ACTR5: variants seen among roughly 807,000 people sequenced by gnomAD.
ACTR5 encodes actin-related protein 5.
A neutral mutation model predicts 61.2 loss-of-function variants in ACTR5; 43 were observed. The ratio of observed to expected loss-of-function variants is 0.70; its 90% CI spans 0.55 to 0.91. The LOEUF (loss-of-function observed/expected upper bound fraction) is 0.91. Among genes scored for constraint, ACTR5 ranks in the 40% least tolerant of loss-of-function variants. The probability of loss-of-function intolerance (pLI) is 0.00; values close to 1 mark genes in which losing one functional copy is unlikely to be tolerated. For missense variants in ACTR5, 798 were observed against 782.2 expected (o/e 1.02, Z -0.24); for synonymous variants, 333 against 310.5 (o/e 1.07, Z -0.76).
chr20:38,749,656 G>C (rs534138859), intron 1 of ACTR5, among the ~76,000 whole-genome samples: 3 of 152,348 alleles, frequency 2.0e-5, no homozygotes, highest in Non-Finnish European at 1.5e-5. Context: ...GGTGGAAACA[G>C]GGACGAGTTA....
rs1180764326 is a variant in ACTR5, at chr20:38,767,491, G to A, written c.1461G>A (p.Leu487=). The change falls in exon 8 of 9, where the codon CTG becomes CTA. Residue 487 remains leucine (L), a synonymous_variant. Transcript: ENST00000243903. Reference sequence around the variant, plus strand: ...ACCCAAAGGACATTCAGGAAATGCTGGTTCAGAACGTTTTCCTCACTGGCG... The same window carrying A: ...ACCCAAAGGACATTCAGGAAATGCTAGTTCAGAACGTTTTCCTCACTGGCG... ...DRYPKDIQEM[L]VQNVFLTGGN... 1 of 1,613,892 alleles carries A rather than the reference G, an allele frequency of 6.2e-7. No individual in the cohort carries two copies. Among genetic ancestry groups the A allele is most frequent in the African/African-American group, 1.3e-5 (1 of 74,894 alleles).
intron 5 of ACTR5, among the ~76,000 whole-genome samples, chr20:38,760,525 C>T (rs2084447227): frequency 6.6e-6 from 1 of 152,200 alleles, no homozygotes; most frequent in African/African-American, 2.4e-5. Flanking sequence ...CTGCCATTTG[C>T]AAGCCAAGGT....
rs537460404 is a variant in ACTR5 at position 38,750,171 on chromosome 20, G to C, written c.537G>C (p.Ser179=). The change falls in exon 2 of 9, where the codon TCG becomes TCC. Residue 179 remains serine (S), a synonymous_variant. Transcript: ENST00000243903. Reference sequence around the variant, plus strand: ...TCTACCACAATAAGCCAAAGAACTCGATGTGCAGTGGGCTAATCATTTCAT... The same window carrying C: ...TCTACCACAATAAGCCAAAGAACTCCATGTGCAGTGGGCTAATCATTTCAT... The part of the protein sequence containing the change: ...FSFYHNKPKN[S]MCSGLIISSG... 9 of 1,614,210 alleles carry C rather than the reference G, an allele frequency of 5.6e-6. No individual in the cohort carries two copies. The South Asian group carries it at 9.9e-5, about 18-fold the overall frequency.
intron 3 of ACTR5, among the ~76,000 whole-genome samples, chr20:38,753,390 TCAA>T (rs1290088472): frequency 1.3e-5 from 2 of 150,384 alleles, no homozygotes; most frequent in Admixed American, 6.6e-5. Flanking sequence ...ACTGATACAC[TCAA>T]CAACTTGAAT....
At chr20:38,770,668 G>A (rs898708478) in intron 8 of ACTR5, among the ~76,000 whole-genome samples, 2 of 152,286 alleles carry the variant, frequency 1.3e-5, no homozygotes, top group East Asian at 3.9e-4. Flanking sequence ...CATCTACCAT[G>A]TGCCTTACAC....
At chr20:38,752,575 A>T (rs1003092829) in intron 3 of ACTR5, among the ~76,000 whole-genome samples, 5 of 152,178 alleles carry the variant, frequency 3.3e-5, no homozygotes, top group African/African-American at 1.2e-4. Flanking sequence ...TGAGCAGAAC[A>T]TATCAGACTA....
chr20:38,754,592 G>T (rs1041745444), intron 3 of ACTR5, among the ~76,000 whole-genome samples: 1 of 151,814 alleles, frequency 6.6e-6, no homozygotes, highest in African/African-American at 2.4e-5. Flanking sequence ...GGTGGCAGGC[G>T]TCTGTAGTCC....
chr20:38,757,077 CAGCATGCCTA>C (rs2084424655), intron 5 of ACTR5, among the ~76,000 whole-genome samples: 1 of 152,104 alleles, frequency 6.6e-6, no homozygotes, highest in Admixed American at 6.6e-5. Context: ...AGGTGAACGC[CAGCATGCCTA>C]AGTCATTTTT....
intron 5 of ACTR5, among the ~76,000 whole-genome samples, chr20:38,762,445 C>G (rs2084460674): frequency 6.6e-6 from 1 of 152,188 alleles, no homozygotes; most frequent in African/African-American, 2.4e-5. Context: ...CCTCACAGTC[C>G]CCCACTGAGA....
At chr20:38,749,269 C>G (rs1171946855) in intron 1 of ACTR5, among the ~76,000 whole-genome samples, 1 of 152,110 alleles carries the variant, frequency 6.6e-6, no homozygotes, top group African/African-American at 2.4e-5. Context: ...GAGGGAGTTA[C>G]ATTTTTTCAG....
Position 38,767,529 on chromosome 20 carries a change from A to T in ACTR5, c.1499A>T (p.Tyr500Phe). The change falls in exon 8 of 9, where the codon TAT becomes TTT. Residue 500 changes from tyrosine to phenylalanine, a missense_variant. Tyr to Phe is a conservative substitution (Grantham distance 22, BLOSUM62 3). Coordinates refer to ENST00000243903, the MANE Select transcript of ACTR5 (RefSeq NM_024855.4). The stretch of plus-strand genomic sequence containing the variant: ...TTCCTCACTGGCGGCAACACGATGT[A>T]TCCTGGCATGAAAGCCAGAATGGAG... ...NVFLTGGNTM[Y>F]PGMKARMEKE... The T allele has an allele frequency of 6.2e-7, 1 of 1,614,202 alleles. No individual in the cohort carries two copies. The highest frequency in any genetic ancestry group is 8.5e-7 in the Non-Finnish European group (1 of 1,180,032).
At chr20:38,758,624 G>A (rs1056199886) in intron 5 of ACTR5, among the ~76,000 whole-genome samples, 7 of 147,588 alleles carry the variant, frequency 4.7e-5, no homozygotes, top group African/African-American at 1.0e-4. Context: ...TCCAGCCTGG[G>A]CAACAGAGCA....
chr20:38,766,250 T>G lies in ACTR5; in HGVS notation c.1306T>G (p.Leu436Val). Residue 436 changes from leucine (L) to valine (V), a missense_variant, in exon 7 of 9, where the codon TTG becomes GTG. Leu to Val is a conservative substitution (Grantham distance 32). Transcript: ENST00000243903. The part of the protein sequence containing the change: ...PVTTVQPVFN[L>V]AAYHQLFVGT... ...TGGGTTTTTAAAGCCCGTGTTTAAC[T>G]TGGCAGCATATCATCAGCTATTTGT... is the stretch of plus-strand genomic sequence containing the variant. 6.2e-7 allele frequency: 1 copy of G among 1,609,392 alleles called. No homozygotes were observed. Among genetic ancestry groups the G allele is most frequent in the Non-Finnish European group, 8.5e-7 (1 of 1,178,920 alleles).
At chr20:38,752,829 A>G (rs2084395010) in intron 3 of ACTR5, among the ~76,000 whole-genome samples, 1 of 152,168 alleles carries the variant, frequency 6.6e-6, no homozygotes, top group Non-Finnish European at 1.5e-5. Flanking sequence ...TGTGAATACA[A>G]CTCTATTCCA....
intron 5 of ACTR5, among the ~76,000 whole-genome samples, chr20:38,759,595 A>C (rs1480458017): frequency 6.6e-6 from 1 of 152,182 alleles, no homozygotes; most frequent in African/African-American, 2.4e-5. Context: ...CAGCTGAAGA[A>C]ACCTCTTGAA....
intron 7 of ACTR5, 91 bp from the exon 8 acceptor site, chr20:38,767,372 TC>T: frequency 8.7e-7 from 1 of 1,154,348 alleles, no homozygotes; most frequent in Non-Finnish European, 1.2e-6. Flanking sequence ...TAGAAGTTTT[TC>T]TGTTTTGTAC....
At chr20:38,756,118 C>T (rs1317316601) in intron 5 of ACTR5, 79 bp downstream of exon 5, 2 of 1,440,312 alleles carry the variant, frequency 1.4e-6, no homozygotes, top group East Asian at 4.8e-5. Context: ...AGGGGTTGTG[C>T]CCAGAGTCAG....
chr20:38,750,760 C>A (rs1172221986), intron 2 of ACTR5, among the ~76,000 whole-genome samples: 2 of 152,094 alleles, frequency 1.3e-5, no homozygotes, highest in African/African-American at 2.4e-5. Flanking sequence ...TCCCGAGTAG[C>A]TGGGACCACA....
At chr20:38,750,832 T>C (rs1052435939) in intron 2 of ACTR5, among the ~76,000 whole-genome samples, 2 of 152,110 alleles carry the variant, frequency 1.3e-5, no homozygotes, top group Non-Finnish European at 2.9e-5. Context: ...GGTTTCACCA[T>C]GTTGGTCAGG....
Sources: allele counts gnomAD v4.1 joint callset (sites outside exome capture counted in the v4.1 genomes callset), GRCh38; gene constraint gnomAD v4.1.1; transcripts MANE v1.5; gene names NCBI Gene and HGNC (gene_info 2026-07-23, HGNC 2026-07-21).